The following NPM2 variants were observed in gnomAD, a reference collection of about 807,000 sequenced individuals.
NPM2 encodes nucleoplasmin-2.
Under a neutral mutation model 32.0 loss-of-function variants are expected in NPM2, and 25 were observed. The ratio of observed to expected loss-of-function variants is 0.78; its 90% CI spans 0.57 to 1.09. NPM2 has a LOEUF of 1.09. NPM2 is among the 50% of genes least tolerant of loss of function. The pLI, the probability that NPM2 is intolerant of heterozygous loss-of-function variation, is 0.00. For missense variants in NPM2, 282 were observed against 259.9 expected, an observed-to-expected ratio of 1.08 and a Z score of -0.58; for synonymous variants, 111 against 94.2, an observed-to-expected ratio of 1.18 and a Z score of -1.04.
At chr8:22,029,467 A>G (rs1800364015) in intron 5 of NPM2, among the ~76,000 whole-genome samples, 1 of 152,116 alleles carries the variant, frequency 6.6e-6, no homozygotes, top group African/African-American at 2.4e-5. Context: ...TTTAACTTCA[A>G]TATTATTATC....
At position 22,034,525 on chromosome 8, in the gene NPM2, A is replaced by G; in HGVS notation, c.547A>G (p.Lys183Glu). The G allele has an allele frequency of 6.2e-7, 1 of 1,612,420 alleles. No homozygotes were observed. The highest frequency in any genetic ancestry group is 8.5e-7 in the Non-Finnish European group (1 of 1,178,656). The change falls in exon 8 of 10, where the codon AAA becomes GAA. Residue 183 changes from lysine to glutamate, a missense_variant. By Grantham distance (56) the Lys-to-Glu change is moderately conservative. Coordinates refer to ENST00000518119, the MANE Select transcript of NPM2 (RefSeq NM_001286680.2). Reference protein sequence around the residue: ...ASVAKKKKLEKEEEEIRASVR... With the variant: ...ASVAKKKKLEEEEEEIRASVR... ...TGGTTCCCAGAAAAAAAAGCTGGAA[A>G]AAGAAGAAGAGGAAATAAGGTAACT... is the stretch of plus-strand genomic sequence containing the variant.
intron 5 of NPM2, among the ~76,000 whole-genome samples, chr8:22,026,019 A>G (rs1800238690): frequency 6.6e-6 from 1 of 152,146 alleles, no homozygotes; most frequent in South Asian, 2.1e-4. Flanking sequence ...CGGGTCAAGG[A>G]CCAGAACTCG....
At chr8:22,034,376 G>A (rs1800548657) in intron 7 of NPM2, 101 bp downstream of exon 7, 2 of 1,399,554 alleles carry the variant, frequency 1.4e-6, no homozygotes, top group Non-Finnish European at 2.0e-6. Context: ...CCCAGAATGA[G>A]TGTACAGGAT....
At position 22,034,521 on chromosome 8, in the gene NPM2, GGAAAAA is replaced by G. The variant is rs746427922; in HGVS notation, c.547_552del (p.Lys183_Glu184del). 6.2e-7 allele frequency: 1 copy of G among 1,611,978 alleles called. No individual in the cohort carries two copies. Among genetic ancestry groups the G allele is most frequent in the Non-Finnish European group, 8.5e-7 (1 of 1,178,426 alleles). ...TTTTTGGTTCCCAGAAAAAAAAGCT[GGAAAAA>G]GAAGAAGAGGAAATAAGGTAACTCT... On this transcript the variant is annotated inframe_deletion, in exon 8 of 10. Transcript: ENST00000518119.
intron 8 of NPM2, among the ~76,000 whole-genome samples, chr8:22,036,198 G>A (rs1800614829): frequency 6.7e-6 from 1 of 150,152 alleles, no homozygotes; most frequent in Admixed American, 6.6e-5. Flanking sequence ...GCAGTGAGCT[G>A]TGATAGTGTC....
intron 5 of NPM2, 57 bp from the exon 6 acceptor site, chr8:22,033,073 T>G: frequency 7.7e-7 from 1 of 1,293,872 alleles, no homozygotes; most frequent in Non-Finnish European, 1.1e-6. Flanking sequence ...CTGAGGCTAG[T>G]CCCCGAGAGG....
intron 5 of NPM2, 67 bp from the exon 6 acceptor site, chr8:22,033,063 C>A (rs1800491726): frequency 4.3e-6 from 5 of 1,161,106 alleles, no homozygotes; most frequent in Non-Finnish European, 6.5e-6. Flanking sequence ...GTATTTCTGC[C>A]TGAGGCTAGT....
At chr8:22,036,249 A>AAAAAC (rs1384275266) in intron 8 of NPM2, 14 of 487,066 alleles carry the variant, frequency 2.9e-5, no homozygotes, top group Non-Finnish European at 4.4e-5. Flanking sequence ...ACTCCATCTC[A>AAAAAC]AAAACAAAAC....
intron 5 of NPM2, among the ~76,000 whole-genome samples, chr8:22,026,498 A>G (rs558885161): frequency 7.8e-6 from 1 of 128,268 alleles, no homozygotes; most frequent in Admixed American, 9.2e-5. Context: ...TCTGTCACCC[A>G]GGCTGGAGTG....
chr8:22,034,618 G>A, intron 8 of NPM2, 74 bp downstream of exon 8: 1 of 1,265,570 alleles, frequency 7.9e-7, no homozygotes, highest in Non-Finnish European at 1.1e-6. Flanking sequence ...ATACTGTGCT[G>A]TTGGGATGTA....
intron 8 of NPM2, among the ~76,000 whole-genome samples, chr8:22,034,799 A>G (rs926736715): frequency 6.6e-6 from 1 of 152,184 alleles, no homozygotes; most frequent in Non-Finnish European, 1.5e-5. Flanking sequence ...TTTCAGGGGA[A>G]ATTACCTGCA....
intron 5 of NPM2, among the ~76,000 whole-genome samples, chr8:22,026,754 C>CT (rs1489588542): frequency 6.6e-6 from 1 of 152,108 alleles, no homozygotes; most frequent in Non-Finnish European, 1.5e-5. Flanking sequence ...CACGCCAGGT[C>CT]TTTTTTCTTT....
At chr8:22,030,392 C>G (rs1243485835) in intron 5 of NPM2, among the ~76,000 whole-genome samples, 1 of 152,060 alleles carries the variant, frequency 6.6e-6, no homozygotes, top group Non-Finnish European at 1.5e-5. Context: ...CATGAGCCAC[C>G]ATGCCCAGCT....
At chr8:22,034,442 C>A in intron 7 of NPM2, 68 bp from the exon 8 acceptor site, 1 of 1,476,782 alleles carries the variant, frequency 6.8e-7, no homozygotes, top group Non-Finnish European at 9.4e-7. Context: ...ACCTTGTGGA[C>A]TTTGGGAATC....
At position 22,036,817 on chromosome 8, in the gene NPM2, CT is replaced by C; in HGVS notation, c.*136del. On this transcript the variant is annotated 3_prime_UTR_variant, in exon 10 of 10. Coordinates refer to ENST00000518119, the MANE Select transcript of NPM2 (RefSeq NM_001286680.2). ...TGTTGCGGGGGCAACATGAGAGCCC[CT>C]CACCCCCAACTCTCCACTTTCAGGA... 4 of 851,706 alleles carry C rather than the reference CT, an allele frequency of 4.7e-6. No homozygotes were observed. The highest frequency in any genetic ancestry group is 2.0e-5 in the South Asian group (1 of 49,582). 52.8% of individuals were successfully genotyped at this position (851,706 alleles called of 1,614,324 possible).
intron 5 of NPM2, among the ~76,000 whole-genome samples, chr8:22,026,550 G>A (rs868326063): frequency 3.4e-5 from 5 of 147,474 alleles, no homozygotes; most frequent in Non-Finnish European, 5.9e-5. Context: ...TGCCTCCCAG[G>A]TTCAAGCAAT....
At position 22,025,450 on chromosome 8, in the gene NPM2, C is replaced by T; in HGVS notation, c.73C>T (p.Gln25Ter). 1 of 1,614,092 alleles carries T rather than the reference C, an allele frequency of 6.2e-7. No homozygotes were observed. Among genetic ancestry groups the T allele is most frequent in the Non-Finnish European group, 8.5e-7 (1 of 1,180,008 alleles). The part of the protein sequence containing the change: ...TTVLWGCELS[Q>*]ERRTWTFRPQ... ...CTCCTCCGCAGGCTGCGAGCTCAGT[C>T]AGGAGAGGCGGACTTGGACCTTCAG... The change falls in exon 4 of 10, where the codon CAG (glutamine) becomes TAG (stop). Residue 25 changes from glutamine to a stop codon, truncating the protein, a stop_gained. Coordinates refer to ENST00000518119, the MANE Select transcript of NPM2 (RefSeq NM_001286680.2). LOFTEE classifies it high-confidence loss of function.
intron 5 of NPM2, among the ~76,000 whole-genome samples, chr8:22,032,917 C>A (rs2117461944): frequency 6.6e-6 from 1 of 152,276 alleles, no homozygotes; most frequent in South Asian, 2.1e-4. Flanking sequence ...ATTCCTCTAT[C>A]TGACGGCTGC....
intron 6 of NPM2, 99 bp from the exon 7 acceptor site, chr8:22,034,010 G>A: frequency 1.3e-6 from 2 of 1,496,132 alleles, no homozygotes; most frequent in South Asian, 1.4e-5. Context: ...GATTCCTCCA[G>A]GGCAGTGCTT....
Sources: gnomAD v4.1 joint callset for allele counts (sites outside exome capture counted in the v4.1 genomes callset) on GRCh38, gnomAD v4.1.1 for gene constraint, MANE v1.5 for transcripts, NCBI Gene and HGNC (gene_info 2026-07-23, HGNC 2026-07-21) for gene names.